CAVIN3: variants seen among roughly 807,000 people sequenced by gnomAD.
CAVIN3 encodes caveolae associated protein 3.
Under a neutral mutation model 8.2 loss-of-function variants are expected in CAVIN3, and 11 were observed. That is an observed-to-expected ratio of 1.35 (90% CI 0.85 to 2.23). CAVIN3 has a LOEUF of 2.23. CAVIN3 is among the 30% of genes most tolerant of loss of function. The pLI, the probability that CAVIN3 is intolerant of heterozygous loss-of-function variation, is 0.00. For synonymous variants in CAVIN3, 191 were observed against 166.3 expected (o/e 1.15, Z -1.14); for missense variants, 401 against 359.5 (o/e 1.12, Z -0.93).
At position 6,319,285 on chromosome 11, in the gene CAVIN3, G is replaced by A. The variant is rs927386218; in HGVS notation, c.664C>T (p.Pro222Ser). The stretch of plus-strand genomic sequence containing the variant: ...GGCTCCAGCGCAGGCTGGGCTTCCG[G>A]CTGGGCTTCAGCGCTCCGGCCAGGC... Reference protein sequence around the residue: ...LGPGRSAEAQPEAQPALEPTL... With the variant: ...LGPGRSAEAQSEAQPALEPTL... The change falls in exon 2 of 2, where the codon CCG (proline) becomes TCG (serine). Residue 222 changes from proline (P) to serine (S), a missense_variant. By Grantham distance (74) the Pro-to-Ser change is moderately conservative. Coordinates refer to ENST00000303927, the MANE Select transcript of CAVIN3 (RefSeq NM_145040.3). 6.2e-7 allele frequency: 1 copy of A among 1,609,056 alleles called. No individual in the cohort carries two copies. The highest frequency in any genetic ancestry group is 8.5e-7 in the Non-Finnish European group (1 of 1,177,554).
chr11:6,320,488 G>A lies in CAVIN3; in HGVS notation c.-12C>T, dbSNP rs776262681. On this transcript the variant is annotated 5_prime_UTR_variant, in exon 1 of 2. Transcript: ENST00000303927. The stretch of plus-strand genomic sequence containing the variant: ...GCACTCTCCCTCATGATCCCTGACC[G>A]CTCTGCTCCGTCTGCCTGCAACTGC... 1.3e-6 allele frequency: 2 copies of A among 1,483,284 alleles called. No homozygotes were observed. Among genetic ancestry groups the A allele is most frequent in the East Asian group, 2.5e-5 (1 of 40,086 alleles). The allele number at this position is 1,483,284 out of a possible 1,614,324, so 91.9% of individuals were successfully genotyped here. A position where few individuals can be genotyped will look rare whatever the true frequency, so the allele number is the denominator to read the frequency against.
In CAVIN3 at chr11:6,319,202, A is replaced by T; in HGVS notation, c.747T>A (p.Ala249=). 6.5e-7 allele frequency: 1 copy of T among 1,544,244 alleles called. No individual in the cohort carries two copies. Among genetic ancestry groups the T allele is most frequent in the Non-Finnish European group, 8.7e-7 (1 of 1,149,622 alleles). The change falls in exon 2 of 2, where the codon GCT becomes GCA. Residue 249 remains alanine, a synonymous_variant. Transcript: ENST00000303927. ...CCATTTGGAGCAGAGCTTCTTCGGC[A>T]GCCCCAGGTCTCCCGGGATCTTCCT... ...DTEEDPGRPG[A]AEEALLQMES...
At chr11:6,319,903 A>C in intron 1 of CAVIN3, 190 bp downstream of exon 1, 1 of 733,270 alleles carries the variant, frequency 1.4e-6, no homozygotes, top group South Asian at 1.9e-5. Context: ...GGCGGGGCTC[A>C]GGCGTGAGAG....
rs779537944 is a variant in CAVIN3 at position 6,320,073 on chromosome 11, G to A, written c.384+20C>T. 1.3e-5 allele frequency: 21 copies of A among 1,567,714 alleles called. No individual in the cohort carries two copies. In the Admixed American group the frequency reaches 3.9e-4, roughly 29 times the overall value. On this transcript the variant is annotated intron_variant, in intron 1 of 1. Coordinates refer to ENST00000303927, the MANE Select transcript of CAVIN3 (RefSeq NM_145040.3). Reference sequence around the variant, plus strand: ...AGGCCGGCAAAGGCCTCGGATTGGGGACCGTTTGAGGTCACTGACCTTGAA... The same window carrying A: ...AGGCCGGCAAAGGCCTCGGATTGGGAACCGTTTGAGGTCACTGACCTTGAA...
chr11:6,319,923 G>A (rs940528468), intron 1 of CAVIN3, 170 bp downstream of exon 1: 2 of 795,710 alleles, frequency 2.5e-6, no homozygotes, highest in Non-Finnish European at 3.9e-6. Flanking sequence ...GGGAGGGATG[G>A]GGCTGGGTCT....
Position 6,319,292 on chromosome 11 carries a change from T to C in CAVIN3, c.657A>G (p.Glu219=), listed in dbSNP as rs1846770947. The change falls in exon 2 of 2, where the codon GAA becomes GAG. Residue 219 remains glutamate, a synonymous_variant. Coordinates refer to ENST00000303927, the MANE Select transcript of CAVIN3 (RefSeq NM_145040.3). ...PPRLGPGRSA[E]AQPEAQPALE... is the part of the protein sequence containing the mutation. The stretch of plus-strand genomic sequence containing the variant: ...GCGCAGGCTGGGCTTCCGGCTGGGC[T>C]TCAGCGCTCCGGCCAGGCCCAAGGC... The C allele has an allele frequency of 6.2e-7, 1 of 1,609,430 alleles. No homozygotes were observed. The highest frequency in any genetic ancestry group is 8.5e-7 in the Non-Finnish European group (1 of 1,177,632).
At chr11:6,319,855 G>C in intron 1 of CAVIN3, 1 of 666,920 alleles carries the variant, frequency 1.5e-6, no homozygotes, top group Non-Finnish European at 2.6e-6. Flanking sequence ...TTCTGCGGAC[G>C]TGGCCTGAGC....
chr11:6,320,448 G>C lies in CAVIN3; in HGVS notation c.29C>G (p.Pro10Arg). 2 of 1,541,716 alleles carry C rather than the reference G, an allele frequency of 1.3e-6. No individual in the cohort carries two copies. The highest frequency in any genetic ancestry group is 2.1e-4 in the Middle Eastern group (1 of 4,732). Residue 10 changes from proline to arginine, a missense_variant, in exon 1 of 2, where the codon CCT (proline) becomes CGT (arginine). Pro to Arg is a moderately radical substitution (Grantham distance 103). Transcript: ENST00000303927. ...ACCCCCCGCCGGCGCCTCGGGCACA[G>C]GCCCCCGCTCCAACGCACTCTCCCT... is the stretch of plus-strand genomic sequence containing the variant. The part of the protein sequence containing the change: MRESALERG[P>R]VPEAPAGGPV...
At position 6,319,562 on chromosome 11, in the gene CAVIN3, C is replaced by A; in HGVS notation, c.387G>T (p.Glu129Asp). 6.4e-7 allele frequency: 1 copy of A among 1,571,158 alleles called. No individual in the cohort carries two copies. Among genetic ancestry groups the A allele is most frequent in the Non-Finnish European group, 8.6e-7 (1 of 1,164,740 alleles). The change falls in exon 2 of 2, where the codon GAG becomes GAT. Residue 129 changes from glutamate to aspartate, a missense_variant and splice_region_variant. By Grantham distance (45) the Glu-to-Asp change is conservative (BLOSUM62 2). Coordinates refer to ENST00000303927, the MANE Select transcript of CAVIN3 (RefSeq NM_145040.3). ...RGKLHVLLFK[E>D]EGEVPASAFQ... Reference sequence around the variant, plus strand: ...AAGCGCTGGCTGGGACTTCACCCTCCTCCTGCATGTGACGGACACAGCACT... The same window carrying A: ...AAGCGCTGGCTGGGACTTCACCCTCATCCTGCATGTGACGGACACAGCACT...
Position 6,319,247 on chromosome 11 carries a change from T to TGGCTCCAGCGTGGGCTCC in CAVIN3, c.684_701dup (p.Thr231_Pro236dup). 4 of 1,600,972 alleles carry TGGCTCCAGCGTGGGCTCC rather than the reference T, an allele frequency of 2.5e-6. No individual in the cohort carries two copies. Among genetic ancestry groups the TGGCTCCAGCGTGGGCTCC allele is most frequent in the Non-Finnish European group, 3.4e-6 (4 of 1,174,750 alleles). On this transcript the variant is annotated inframe_insertion, in exon 2 of 2. Coordinates refer to ENST00000303927, the MANE Select transcript of CAVIN3 (RefSeq NM_145040.3). Reference sequence around the variant, plus strand: ...CTTCCTCGGTGTCCTGCGGAGGCTCTGGCTCCAGCGTGGGCTCCAGCGCAG... The same window carrying TGGCTCCAGCGTGGGCTCC: ...CTTCCTCGGTGTCCTGCGGAGGCTCTGGCTCCAGCGTGGGCTCCGGCTCCAGCGTGGGCTCCAGCGCAG...
In CAVIN3 at chr11:6,320,294, C is replaced by G. The variant is rs1249663254; in HGVS notation, c.183G>C (p.Gln61His). ...TGCGACTCAGAGCGCCCAGGCCGCTCTGGATGCGGCGCACGGACCCTGCCA... is the reference window on the plus strand; with the variant it reads ...TGCGACTCAGAGCGCCCAGGCCGCTGTGGATGCGGCGCACGGACCCTGCCA... ...GGLAGSVRRI[Q>H]SGLGALSRSH... The change falls in exon 1 of 2, where the codon CAG becomes CAC. Residue 61 changes from glutamine to histidine, a missense_variant. Coordinates refer to ENST00000303927, the MANE Select transcript of CAVIN3 (RefSeq NM_145040.3). 5 of 1,565,976 alleles carry G rather than the reference C, an allele frequency of 3.2e-6. No individual in the cohort carries two copies. The Admixed American group carries it at 9.0e-5, about 28-fold the overall frequency.
At chr11:6,319,877 G>A in intron 1 of CAVIN3, 1 of 675,210 alleles carries the variant, frequency 1.5e-6, no homozygotes, top group East Asian at 2.7e-5. Flanking sequence ...AGAGCTGGGC[G>A]GGCTTGGATT....
intron 1 of CAVIN3, 149 bp downstream of exon 1, chr11:6,319,944 G>A (rs1468727053): frequency 4.0e-5 from 36 of 907,900 alleles, no homozygotes; most frequent in Non-Finnish European, 4.9e-6. Context: ...TGGGAAGTGG[G>A]TGCGGCTCTG....
chr11:6,319,229 G>A lies in CAVIN3; in HGVS notation c.720C>T (p.Thr240=). ...PTLEPEPPQD[T]EEDPGRPGAA... is the part of the protein sequence containing the mutation. Reference sequence around the variant, plus strand: ...CCCCAGGTCTCCCGGGATCTTCCTCGGTGTCCTGCGGAGGCTCTGGCTCCA... The same window carrying A: ...CCCCAGGTCTCCCGGGATCTTCCTCAGTGTCCTGCGGAGGCTCTGGCTCCA... The change falls in exon 2 of 2, where the codon ACC becomes ACT. Residue 240 remains threonine (T), a synonymous_variant. Coordinates refer to ENST00000303927, the MANE Select transcript of CAVIN3 (RefSeq NM_145040.3). 1.3e-6 allele frequency: 2 copies of A among 1,577,940 alleles called. No individual in the cohort carries two copies. Among genetic ancestry groups the A allele is most frequent in the Admixed American group, 1.9e-5 (1 of 52,062 alleles).
chr11:6,320,353 G>T lies in CAVIN3; in HGVS notation c.124C>A (p.Arg42=). 1 of 1,581,766 alleles carries T rather than the reference G, an allele frequency of 6.3e-7. No individual in the cohort carries two copies. The highest frequency in any genetic ancestry group is 8.5e-7 in the Non-Finnish European group (1 of 1,171,838). The change falls in exon 1 of 2, where the codon CGG becomes AGG. Residue 42 remains arginine, a synonymous_variant. Coordinates refer to ENST00000303927, the MANE Select transcript of CAVIN3 (RefSeq NM_145040.3). The part of the protein sequence containing the change: ...LASMLETLRE[R]QGGLARRQGG... ...TGCCTTCGAGCCAGGCCTCCCTGCCGCTCCCGCAGAGTCTCCAGCATGGAG... is the reference window on the plus strand; with the variant it reads ...TGCCTTCGAGCCAGGCCTCCCTGCCTCTCCCGCAGAGTCTCCAGCATGGAG...
At chr11:6,319,738 T>A in intron 1 of CAVIN3, 174 bp from the exon 2 acceptor site, 1 of 829,080 alleles carries the variant, frequency 1.2e-6, no homozygotes, top group Non-Finnish European at 2.0e-6. Context: ...CAAAACGCTG[T>A]AAAGTAGGTG....
chr11:6,319,720 G>T, intron 1 of CAVIN3, 156 bp from the exon 2 acceptor site: 1 of 941,710 alleles, frequency 1.1e-6, no homozygotes. Context: ...AAAGCTGCGT[G>T]CGAACTGCAA....
Position 6,319,079 on chromosome 11 carries a change from C to T in CAVIN3, c.*84G>A. 2.1e-6 allele frequency: 3 copies of T among 1,408,442 alleles called. No individual in the cohort carries two copies. The highest frequency in any genetic ancestry group is 2.8e-6 in the Non-Finnish European group (3 of 1,054,206). 87.2% of individuals were successfully genotyped at this position (1,408,442 alleles called of 1,614,324 possible). A position where few individuals can be genotyped will look rare whatever the true frequency, so the allele number is the denominator to read the frequency against. On this transcript the variant is annotated 3_prime_UTR_variant, in exon 2 of 2. Coordinates refer to ENST00000303927, the MANE Select transcript of CAVIN3 (RefSeq NM_145040.3). ...GCCTTGGTGGATGTAGGATTCGCTC[C>T]TTATTAGGGCGTGAGTGCTACATTC...
chr11:6,319,183 G>A lies in CAVIN3; in HGVS notation c.766C>T (p.Gln256Ter), dbSNP rs766810352. The part of the protein sequence containing the change: ...RPGAAEEALL[Q>*]MESVA ...AGCCCTCAGGCTACACTCTCCATTT[G>A]GAGCAGAGCTTCTTCGGCAGCCCCA... Residue 256 changes from glutamine (Q) to a stop codon, truncating the protein, a stop_gained, in exon 2 of 2, where the codon CAA (glutamine) becomes TAA (stop). Transcript: ENST00000303927. LOFTEE classifies it high-confidence loss of function. 4.1e-5 allele frequency: 63 copies of A among 1,532,196 alleles called. No homozygotes were observed. Among genetic ancestry groups the A allele is most frequent in the African/African-American group, 3.3e-4 (24 of 71,962 alleles). The allele number at this position is 1,532,196 out of a possible 1,614,324, so 94.9% of individuals were successfully genotyped here. A position where few individuals can be genotyped will look rare whatever the true frequency, so the allele number is the denominator to read the frequency against.
Sources: gnomAD v4.1 joint callset for allele counts on GRCh38, gnomAD v4.1.1 for gene constraint, MANE v1.5 for transcripts, NCBI Gene and HGNC (gene_info 2026-07-23, HGNC 2026-07-21) for gene names.